Variants in RGL1 observed in about 807,000 individuals in gnomAD.
RGL1 encodes the protein ral guanine nucleotide dissociation stimulator-like 1.
A neutral mutation model predicts 95.2 loss-of-function variants in RGL1; 24 were observed. The ratio of observed to expected loss-of-function variants is 0.25; its 90% confidence interval spans 0.18 to 0.35. The LOEUF (loss-of-function observed/expected upper bound fraction) is 0.35, where lower values mean the gene tolerates loss of function less well. Ranked by LOEUF, RGL1 falls within the 10% of genes least tolerant of loss-of-function variation. The pLI is 1.00. For synonymous variants in RGL1, 329 were observed against 344.9 expected (o/e 0.95, Z 0.51); for missense variants, 715 against 936.3 (o/e 0.76, Z 3.08).
intron 10 of RGL1, among the ~76,000 whole-genome samples, chr1:183,898,795 G>T (rs1054282466): frequency 6.6e-6 from 1 of 152,210 alleles, no homozygotes; most frequent in Non-Finnish European, 1.5e-5. Flanking sequence ...CTGACAGTGA[G>T]TTCCTGAAGG....
intron 1 of RGL1, among the ~76,000 whole-genome samples, chr1:183,695,173 G>A (rs1198636495): frequency 1.3e-5 from 2 of 152,198 alleles, no homozygotes; most frequent in African/African-American, 2.4e-5. Flanking sequence ...AAGCTTCCAG[G>A]AAAGCATCGG....
intron 1 of RGL1, among the ~76,000 whole-genome samples, chr1:183,656,477 C>T (rs544120579): frequency 2.5e-4 from 38 of 152,364 alleles, no homozygotes; most frequent in Non-Finnish European, 5.0e-4. Context: ...TTGTACCAAT[C>T]ACCAAGTTTT....
At chr1:183,811,809 A>G (rs1661735757) in intron 2 of RGL1, among the ~76,000 whole-genome samples, 1 of 152,236 alleles carries the variant, frequency 6.6e-6, no homozygotes, top group South Asian at 2.1e-4. Flanking sequence ...CTCCCAGCAA[A>G]TACATAATGG....
At chr1:183,895,292 C>A (rs1558278503) in intron 9 of RGL1, among the ~76,000 whole-genome samples, 1 of 152,018 alleles carries the variant, frequency 6.6e-6, no homozygotes, top group Non-Finnish European at 1.5e-5. Context: ...AGAAGAGGGC[C>A]CTCTGAAGCC....
intron 3 of RGL1, among the ~76,000 whole-genome samples, chr1:183,861,769 A>G (rs1018790867): frequency 2.6e-5 from 4 of 152,218 alleles, no homozygotes; most frequent in African/African-American, 9.6e-5. Context: ...ATTGGACACG[A>G]CATCGTTGAC....
intron 1 of RGL1, among the ~76,000 whole-genome samples, chr1:183,650,976 G>T (rs190280740): frequency 9.9e-5 from 15 of 151,974 alleles, no homozygotes; most frequent in Middle Eastern, 3.4e-3. Context: ...TATTTTTTGC[G>T]TGAAGTTTTC....
chr1:183,925,636 A>G (rs1443719599), intron 17 of RGL1, among the ~76,000 whole-genome samples: 13 of 152,206 alleles, frequency 8.5e-5, no homozygotes. Flanking sequence ...TATTTCAAGT[A>G]GAATTCTGGA....
intron 1 of RGL1, among the ~76,000 whole-genome samples, chr1:183,682,258 G>A (rs1251069582): frequency 2.0e-5 from 3 of 152,132 alleles, no homozygotes; most frequent in Non-Finnish European, 4.4e-5. Flanking sequence ...TAATTGTGAT[G>A]TTAGTGTGTC....
chr1:183,849,490 T>A (rs770189670), intron 3 of RGL1, among the ~76,000 whole-genome samples: 4,162 of 136,180 alleles, frequency 0.031, 116 homozygotes, highest in African/African-American at 0.074. Flanking sequence ...TTAGTTTTTT[T>A]TTTTTTTTTT....
Position 183,900,145 on chromosome 1 carries a change from T to A in RGL1, c.1231-5T>A. ...AAAGACAGTTTTGCTTTGGATGCTC[T>A]TCAGGGTGTGATGCAGGGAACTGTG... On this transcript the variant is annotated splice_region_variant and splice_polypyrimidine_tract_variant and intron_variant, in intron 10 of 17. Transcript: ENST00000360851. 6.2e-7 allele frequency: 1 copy of A among 1,612,674 alleles called. No homozygotes were observed.
intron 1 of RGL1, chr1:183,647,890 G>A (rs1650417103): frequency 6.2e-7 from 1 of 1,614,074 alleles, no homozygotes; most frequent in Non-Finnish European, 8.5e-7. Flanking sequence ...AAGTCCCTGA[G>A]AGGCACTAGC....
intron 4 of RGL1, among the ~76,000 whole-genome samples, chr1:183,872,606 C>T (rs1189229352): frequency 2.0e-5 from 3 of 152,198 alleles, no homozygotes; most frequent in Non-Finnish European, 2.9e-5. Context: ...CACCAGATTT[C>T]AGTCACTGGT....
At chr1:183,840,461 G>T (rs1663971592) in intron 2 of RGL1, among the ~76,000 whole-genome samples, 1 of 152,138 alleles carries the variant, frequency 6.6e-6, no homozygotes. Context: ...AAAGTCCTCA[G>T]CATGTCAAAG....
chr1:183,900,466 A>T (rs1667950727), intron 11 of RGL1, among the ~76,000 whole-genome samples: 1 of 152,210 alleles, frequency 6.6e-6, no homozygotes, highest in Admixed American at 6.5e-5. Flanking sequence ...TAATAATCGA[A>T]ATTCAAACAA....
chr1:183,801,903 G>C (rs1661013583), upstream of RGL1, among the ~76,000 whole-genome samples: 1 of 152,116 alleles, frequency 6.6e-6, no homozygotes, highest in African/African-American at 2.4e-5. Flanking sequence ...CCTTGAGGAT[G>C]GTACCAAGCT....
rs1558285076 is a variant in RGL1, at chr1:183,904,897, C to T, written c.1398C>T (p.Asn466=). 5 of 1,613,684 alleles carry T rather than the reference C, an allele frequency of 3.1e-6. No individual in the cohort carries two copies. Among genetic ancestry groups the T allele is most frequent in the Non-Finnish European group, 4.2e-6 (5 of 1,179,732 alleles). Residue 466 remains asparagine, a synonymous_variant, in exon 13 of 18, where the codon AAC becomes AAT. Transcript: ENST00000360851. ...AQIKLLQSAC[N]SYCMTPDQKF... is the part of the protein sequence containing the mutation. ...TAAAGCTCTTACAGTCTGCCTGCAA[C>T]AGCTATTGCATGACCCCAGACCAAA...
intron 2 of RGL1, among the ~76,000 whole-genome samples, chr1:183,755,861 T>A (rs1233029220): frequency 2.0e-5 from 3 of 151,808 alleles, no homozygotes; most frequent in Non-Finnish European, 4.4e-5. Flanking sequence ...AGCTTCTCAC[T>A]GAGCTGATAG....
At chr1:183,871,291 A>G (rs1666169515) in intron 4 of RGL1, among the ~76,000 whole-genome samples, 2 of 152,224 alleles carry the variant, frequency 1.3e-5, no homozygotes, top group African/African-American at 2.4e-5. Flanking sequence ...GGGGTCATGA[A>G]TAAAGAGCTG....
chr1:183,866,200 A>T, intron 4 of RGL1, 127 bp downstream of exon 4: 1 of 683,052 alleles, frequency 1.5e-6, no homozygotes, highest in South Asian at 1.9e-5. Flanking sequence ...ACAGAGGCTT[A>T]TTTTTTGATT....
Sources: allele counts gnomAD v4.1 joint callset (sites outside exome capture counted in the v4.1 genomes callset), GRCh38; gene constraint gnomAD v4.1.1; transcripts MANE v1.5; gene names NCBI Gene and HGNC (gene_info 2026-07-23, HGNC 2026-07-21).